The following GRIK4 variants were observed in gnomAD, a reference collection of about 807,000 sequenced individuals.
GRIK4 encodes glutamate ionotropic receptor kainate type subunit 4.
A neutral mutation model predicts 104.9 loss-of-function variants in GRIK4; 40 were observed. The observed-to-expected ratio is 0.38, with a 90% confidence interval of 0.30 to 0.50. The LOEUF (loss-of-function observed/expected upper bound fraction) is 0.50, where lower values mean the gene tolerates loss of function less well. Ranked by LOEUF, GRIK4 falls within the 20% of genes least tolerant of loss-of-function variation. GRIK4 has a pLI of 0.93. For synonymous variants in GRIK4, 485 were observed against 524.9 expected (o/e 0.92, Z 1.04); for missense variants, 1,047 against 1,308.1 (o/e 0.80, Z 3.08).
chr11:120,613,118 A>C (rs1231463947), intron 1 of GRIK4, among the ~76,000 whole-genome samples: 1 of 152,212 alleles, frequency 6.6e-6, no homozygotes, highest in Admixed American at 6.5e-5. Context: ...ACTCATATCC[A>C]TGTGTCGTTG....
intron 1 of GRIK4, among the ~76,000 whole-genome samples, chr11:120,532,348 G>A (rs1314887225): frequency 6.6e-6 from 1 of 152,174 alleles, no homozygotes; most frequent in Non-Finnish European, 1.5e-5. Context: ...TCCGCCCTGG[G>A]TGTGGACCCA....
intron 1 of GRIK4, among the ~76,000 whole-genome samples, chr11:120,512,791 T>TCCCTGGCC (rs1240069020): frequency 1.4e-4 from 21 of 152,246 alleles, no homozygotes; most frequent in Non-Finnish European, 2.1e-4. Flanking sequence ...TGTGTCTCTT[T>TCCCTGGCC]CCCTGGCTCC....
At chr11:120,907,447 C>T (rs1016021874) in intron 13 of GRIK4, among the ~76,000 whole-genome samples, 5 of 152,100 alleles carry the variant, frequency 3.3e-5, no homozygotes, top group African/African-American at 1.2e-4. Flanking sequence ...TAGAATTCAC[C>T]CCAGATCTTT....
chr11:120,617,063 G>A (rs1199061640), intron 1 of GRIK4, among the ~76,000 whole-genome samples: 4 of 152,190 alleles, frequency 2.6e-5, no homozygotes, highest in South Asian at 2.1e-4. Flanking sequence ...GAACCTTCTC[G>A]GGAGCCCCGT....
chr11:120,978,615 A>C (rs1944601029), intron 19 of GRIK4, among the ~76,000 whole-genome samples: 1 of 152,198 alleles, frequency 6.6e-6, no homozygotes, highest in Non-Finnish European at 1.5e-5. Context: ...AAATAGTTTT[A>C]AAGGCTACTG....
chr11:120,940,203 T>C lies in GRIK4; in HGVS notation c.1477-144T>C. On this transcript the variant is annotated intron_variant, in intron 13 of 20. Transcript: ENST00000527524. The surrounding 1 kb of genome is among the most constrained non-coding windows in gnomAD (Gnocchi z 4.3). ...TTATGAGTGATCATTCAGATCTGTATGCAGTGTTGACTTAGAGCCACTCCT... is the reference window on the plus strand; with the variant it reads ...TTATGAGTGATCATTCAGATCTGTACGCAGTGTTGACTTAGAGCCACTCCT... The C allele has an allele frequency of 1.6e-6, 1 of 611,380 alleles. No individual in the cohort carries two copies. The highest frequency in any genetic ancestry group is 2.9e-6 in the Non-Finnish European group (1 of 339,976). 37.9% of individuals were successfully genotyped at this position (611,380 alleles called of 1,614,324 possible). A position where few individuals can be genotyped will look rare whatever the true frequency, so the allele number is the denominator to read the frequency against.
At position 120,962,653 on chromosome 11, in the gene GRIK4, C is replaced by G. The variant is rs751217545; in HGVS notation, c.2238C>G (p.Thr746=). The change falls in exon 18 of 21, where the codon ACC becomes ACG. Residue 746 remains threonine, a synonymous_variant. Transcript: ENST00000527524. ...NLTQIGGLLD[T]KGYGIGMPVG... is the part of the protein sequence containing the mutation. ...CTCAGATTGGGGGCCTGCTGGACAC[C>G]AAGGGCTATGGGATTGGCATGCCAG... 1 of 1,613,602 alleles carries G rather than the reference C, an allele frequency of 6.2e-7. No individual in the cohort carries two copies. The highest frequency in any genetic ancestry group is 1.3e-5 in the African/African-American group (1 of 74,872).
intron 1 of GRIK4, among the ~76,000 whole-genome samples, chr11:120,567,110 C>A (rs1177099738): frequency 1.3e-5 from 2 of 151,248 alleles, no homozygotes; most frequent in Non-Finnish European, 2.9e-5. Context: ...GCCTCAGTCT[C>A]CTCAGTAGCT....
At chr11:120,713,441 G>A (rs2135359565) in intron 3 of GRIK4, among the ~76,000 whole-genome samples, 1 of 152,326 alleles carries the variant, frequency 6.6e-6, no homozygotes, top group South Asian at 2.1e-4. Flanking sequence ...AAGACAGAGG[G>A]GGGCCACCCT....
intron 3 of GRIK4, among the ~76,000 whole-genome samples, chr11:120,790,838 G>A (rs1471251659): frequency 6.6e-6 from 1 of 152,178 alleles, no homozygotes; most frequent in African/African-American, 2.4e-5. Context: ...TGGAGGGGCT[G>A]TAGGGATAGG....
chr11:120,871,495 C>G (rs146885629), intron 9 of GRIK4: 1 of 409,850 alleles, frequency 2.4e-6, no homozygotes, highest in Non-Finnish European at 5.0e-6. Context: ...GGTGGCTCAG[C>G]CCACCTCATC....
At chr11:120,867,906 A>C (rs919075217) in intron 9 of GRIK4, 9 of 152,214 alleles carry the variant, frequency 5.9e-5, no homozygotes, top group Admixed American at 1.3e-4. Flanking sequence ...GGCTAGATTA[A>C]GTAATTAGAA....
intron 1 of GRIK4, among the ~76,000 whole-genome samples, chr11:120,521,098 G>A (rs539208544): frequency 5.3e-5 from 8 of 151,910 alleles, no homozygotes; most frequent in East Asian, 1.9e-4. Context: ...TTTGTTTTTC[G>A]TTTTTTTGAG....
At chr11:120,681,497 T>G (rs1950192910) in intron 3 of GRIK4, among the ~76,000 whole-genome samples, 1 of 152,182 alleles carries the variant, frequency 6.6e-6, no homozygotes, top group Non-Finnish European at 1.5e-5. Context: ...TCTCTTCATT[T>G]TGCCCCGCTA....
intron 1 of GRIK4, among the ~76,000 whole-genome samples, chr11:120,593,974 T>C (rs553763163): frequency 6.6e-6 from 1 of 152,308 alleles, no homozygotes; most frequent in Non-Finnish European, 1.5e-5. Context: ...CTCTCTCCAC[T>C]TGCCCTGCCA....
chr11:120,702,253 G>A (rs1188531586), intron 3 of GRIK4, among the ~76,000 whole-genome samples: 1 of 148,908 alleles, frequency 6.7e-6, no homozygotes, highest in Non-Finnish European at 1.5e-5. Context: ...TGCGCCTGGC[G>A]ACTCCAAGGT....
chr11:120,611,339 A>G (rs1949035191), intron 1 of GRIK4, among the ~76,000 whole-genome samples: 3 of 152,204 alleles, frequency 2.0e-5, no homozygotes, highest in Admixed American at 2.0e-4. Flanking sequence ...TCAAAGAGGA[A>G]CAATAATATT....
intron 11 of GRIK4, among the ~76,000 whole-genome samples, chr11:120,878,220 C>T (rs1046049300): frequency 3.3e-5 from 5 of 152,198 alleles, no homozygotes; most frequent in Admixed American, 1.3e-4. Flanking sequence ...CAAATGTAGA[C>T]GTGCACCAGG....
At chr11:120,845,940 C>T (rs1170423835) in intron 8 of GRIK4, among the ~76,000 whole-genome samples, 2 of 152,210 alleles carry the variant, frequency 1.3e-5, no homozygotes, top group African/African-American at 4.8e-5. Flanking sequence ...AATGCAAACC[C>T]TGAGAGGTGG....
Sources: gnomAD v4.1 joint callset for allele counts (sites outside exome capture counted in the v4.1 genomes callset) on GRCh38, gnomAD v4.1.1 for gene constraint, Gnocchi (gnomAD v3.1) non-coding constraint, MANE v1.5 for transcripts, NCBI Gene and HGNC (gene_info 2026-07-23, HGNC 2026-07-21) for gene names.